The following PREX1 variants were observed in gnomAD, a reference collection of about 807,000 sequenced individuals.
The protein encoded by PREX1 is phosphatidylinositol-3,4,5-trisphosphate dependent Rac exchange factor 1.
PREX1 carries 41 observed loss-of-function variants against 198.3 expected under a neutral mutation model. The observed-to-expected ratio is 0.21, with a 90% CI of 0.16 to 0.27. The LOEUF is 0.27. Ranked by LOEUF, PREX1 falls within the 10% of genes least tolerant of loss-of-function variation. PREX1 has a pLI of 1.00. For synonymous variants in PREX1, 843 were observed against 887.2 expected (o/e 0.95, Z 0.89); for missense variants, 1,620 against 2,200.7 (o/e 0.74, Z 5.28).
At chr20:48,799,532 G>T (rs1351889455) in intron 1 of PREX1, among the ~76,000 whole-genome samples, 3 of 152,236 alleles carry the variant, frequency 2.0e-5, no homozygotes, top group African/African-American at 7.2e-5. Flanking sequence ...AAAAGCGTTA[G>T]CTGGTTCAAA....
Position 48,679,376 on chromosome 20 carries a change from A to T in PREX1, c.1573T>A (p.Tyr525Asn). The change falls in exon 13 of 40, where the codon TAC (tyrosine) becomes AAC (asparagine). Residue 525 changes from tyrosine to asparagine, a missense_variant. Coordinates refer to ENST00000371941, the MANE Select transcript of PREX1 (RefSeq NM_020820.4). Reference protein sequence around the residue: ...VRLYCRLHSLYTPVIKDRDYH... With the variant: ...VRLYCRLHSLNTPVIKDRDYH... ...GTAACTTACTTGATCACCGGGGTGT[A>T]GAGGCTGTGAAGACGGCAGTAAAGC... 6.2e-7 allele frequency: 1 copy of T among 1,613,538 alleles called. No homozygotes were observed. Among genetic ancestry groups the T allele is most frequent in the Non-Finnish European group, 8.5e-7 (1 of 1,179,488 alleles).
At chr20:48,777,433 C>T (rs372976022) in intron 1 of PREX1, among the ~76,000 whole-genome samples, 28 of 152,324 alleles carry the variant, frequency 1.8e-4, no homozygotes, top group African/African-American at 5.8e-4. Context: ...ACGGTTGATG[C>T]TGATCCCATG....
intron 35 of PREX1, among the ~76,000 whole-genome samples, chr20:48,631,030 G>A (rs7268947): frequency 0.021 from 3,164 of 152,138 alleles, 113 homozygotes; most frequent in African/African-American, 0.073. Context: ...CTGCCTGCCC[G>A]TCCACAGCAG....
At chr20:48,879,171 C>T in the PREX1 span, among the ~76,000 whole-genome samples, 9 of 152,132 alleles carry the variant, frequency 5.9e-5, no homozygotes, top group African/African-American at 1.9e-4. Flanking sequence ...TGAAGGGCTG[C>T]TATTGCGAGG....
At chr20:48,715,984 C>G (rs978094774) in intron 5 of PREX1, among the ~76,000 whole-genome samples, 10 of 152,182 alleles carry the variant, frequency 6.6e-5, no homozygotes, top group African/African-American at 2.4e-4. Flanking sequence ...CCAACCACAT[C>G]TACAGGCCCC....
intron 5 of PREX1, among the ~76,000 whole-genome samples, chr20:48,714,065 T>C (rs1299052855): frequency 6.6e-6 from 1 of 152,166 alleles, no homozygotes; most frequent in African/African-American, 2.4e-5. Context: ...CCCTTCCTCA[T>C]GCCACACACA....
rs780995507 is a variant in PREX1, at chr20:48,649,340, C to T, written c.3265G>A (p.Ala1089Thr). Residue 1089 changes from alanine to threonine, a missense_variant, in exon 25 of 40, where the codon GCC becomes ACC. Physicochemically the swap from Ala to Thr is moderately conservative, Grantham distance 58. Coordinates refer to ENST00000371941, the MANE Select transcript of PREX1 (RefSeq NM_020820.4). ...ACATATTGCTTCATCTCCTTCAGGG[C>T]CACATCCAGCTTGGTGAAGAGCTGC... ...YLQLFTKLDV[A>T]LKEMKQYVTQ... The T allele has an allele frequency of 6.2e-7, 1 of 1,614,132 alleles. No homozygotes were observed. The highest frequency in any genetic ancestry group is 8.5e-7 in the Non-Finnish European group (1 of 1,180,014).
chr20:48,751,881 A>G (rs2064720134), intron 1 of PREX1, among the ~76,000 whole-genome samples: 1 of 152,158 alleles, frequency 6.6e-6, no homozygotes, highest in Non-Finnish European at 1.5e-5. Flanking sequence ...GAAACAACAA[A>G]CACCCACAAA....
chr20:48,791,535 G>A (rs1220008317), intron 1 of PREX1, among the ~76,000 whole-genome samples: 6 of 152,202 alleles, frequency 3.9e-5, no homozygotes, highest in Admixed American at 3.9e-4. Context: ...GGGTGACAGG[G>A]AGGAATCCCA....
chr20:48,787,845 C>T (rs745396022), intron 1 of PREX1, among the ~76,000 whole-genome samples: 36 of 152,084 alleles, frequency 2.4e-4, no homozygotes, highest in Non-Finnish European at 4.4e-4. Context: ...CCCAACATTA[C>T]AAATTACAAG....
At chr20:48,728,182 G>A (rs2090018005) in intron 4 of PREX1, among the ~76,000 whole-genome samples, 1 of 152,206 alleles carries the variant, frequency 6.6e-6, no homozygotes, top group South Asian at 2.1e-4. Flanking sequence ...TGTGTGCTGT[G>A]CACAGTTCCA....
chr20:48,698,339 G>A (rs374131393), intron 7 of PREX1, among the ~76,000 whole-genome samples: 74 of 152,324 alleles, frequency 4.9e-4, no homozygotes, highest in African/African-American at 1.8e-3. Context: ...TAAAAGTTGG[G>A]AGCAGGTCAC....
chr20:48,653,336 C>A (rs742643), intron 20 of PREX1, 25 bp downstream of exon 20: 7 of 1,604,830 alleles, frequency 4.4e-6, no homozygotes, highest in East Asian at 4.5e-5. Context: ...ACTTCTTTGA[C>A]GGCCCCGGTT....
chr20:48,720,490 C>T (rs1179657877), intron 5 of PREX1, among the ~76,000 whole-genome samples: 1 of 151,884 alleles, frequency 6.6e-6, no homozygotes, highest in Non-Finnish European at 1.5e-5. Flanking sequence ...AACACTGCAG[C>T]ACCAACCGTG....
intron 1 of PREX1, among the ~76,000 whole-genome samples, chr20:48,757,531 C>T (rs577512923): frequency 1.1e-4 from 16 of 152,334 alleles, no homozygotes; most frequent in Admixed American, 9.1e-4. Flanking sequence ...GGCCAAGCCT[C>T]GCACCTCAGT....
the PREX1 span, among the ~76,000 whole-genome samples, chr20:48,841,655 AG>A: frequency 1.2e-4 from 18 of 152,212 alleles, no homozygotes; most frequent in Non-Finnish European, 2.6e-4. Flanking sequence ...CTTAATTTAG[AG>A]GTGGTCTCAA....
In PREX1 at chr20:48,651,378, G is replaced by A. The variant is rs765041235; in HGVS notation, c.2655+18C>T. The A allele has an allele frequency of 2.5e-6, 4 of 1,585,470 alleles. No homozygotes were observed. In the South Asian group the frequency reaches 3.4e-5, roughly 14 times the overall value. ...AATCCCCCAGGGTAGGGCAGGGCCA[G>A]GCAGTGCCCAAGGAGACCTTGGCGG... On this transcript the variant is annotated intron_variant, in intron 22 of 39. Transcript: ENST00000371941.
intron 1 of PREX1, among the ~76,000 whole-genome samples, chr20:48,798,727 C>T (rs1012534020): frequency 3.3e-5 from 5 of 152,212 alleles, no homozygotes; most frequent in Non-Finnish European, 5.9e-5. Flanking sequence ...CTGGAGCACA[C>T]GTGGAGGAGC....
intron 1 of PREX1, among the ~76,000 whole-genome samples, chr20:48,817,616 G>A (rs2090464558): frequency 6.6e-6 from 1 of 152,072 alleles, no homozygotes; most frequent in African/African-American, 2.4e-5. Flanking sequence ...ATCTGGCTAG[G>A]CCCCTGGCAC....
Sources: gnomAD v4.1 joint callset for allele counts (sites outside exome capture counted in the v4.1 genomes callset) on GRCh38, gnomAD v4.1.1 for gene constraint, MANE v1.5 for transcripts, NCBI Gene and HGNC (gene_info 2026-07-23, HGNC 2026-07-21) for gene names.